Variants in BTBD10 observed in about 807,000 individuals in gnomAD.
The protein encoded by BTBD10 is BTB/POZ domain-containing protein 10.
In BTBD10, 21 loss-of-function variants were observed where a neutral mutation model predicts 53.2. The observed-to-expected ratio is 0.39, with a 90% CI of 0.28 to 0.57. The LOEUF (loss-of-function observed/expected upper bound fraction) is 0.57. BTBD10 is among the 20% of genes least tolerant of loss of function. The pLI is 0.53. For missense variants in BTBD10, 360 were observed against 594.7 expected, an observed-to-expected ratio of 0.61 and a Z score of 4.10; for synonymous variants, 149 against 192.7, an observed-to-expected ratio of 0.77 and a Z score of 1.88.
intron 8 of BTBD10, among the ~76,000 whole-genome samples, chr11:13,393,111 T>C (rs913940549): frequency 6.6e-6 from 1 of 152,178 alleles, no homozygotes. Flanking sequence ...AGGTAAGAAT[T>C]ATTTGTGCTT....
At chr11:13,389,942 A>G (rs750149273) in intron 8 of BTBD10, among the ~76,000 whole-genome samples, 1 of 152,094 alleles carries the variant, frequency 6.6e-6, no homozygotes, top group Admixed American at 6.6e-5. Context: ...TTAACCTCCC[A>G]TATCATTTTA....
chr11:13,435,757 C>A (rs1950534763), intron 2 of BTBD10, among the ~76,000 whole-genome samples: 1 of 152,208 alleles, frequency 6.6e-6, no homozygotes. Context: ...TCCCAAAGTG[C>A]TGGAATTACA....
chr11:13,458,627 T>A (rs1951023152), intron 1 of BTBD10, among the ~76,000 whole-genome samples: 1 of 152,346 alleles, frequency 6.6e-6, no homozygotes, highest in Non-Finnish European at 1.5e-5. Context: ...AATTGGAGTA[T>A]TAATGGTTTT....
intron 8 of BTBD10, among the ~76,000 whole-genome samples, chr11:13,398,736 T>C (rs1325456843): frequency 6.6e-6 from 1 of 152,222 alleles, no homozygotes; most frequent in East Asian, 1.9e-4. Context: ...AGGGCAGGCC[T>C]GGTGGTGACA....
intron 8 of BTBD10, among the ~76,000 whole-genome samples, chr11:13,398,842 C>G (rs1243979763): frequency 1.3e-5 from 2 of 152,040 alleles, no homozygotes; most frequent in Non-Finnish European, 2.9e-5. Flanking sequence ...GTTGAAAATT[C>G]TTTTCTTTAA....
intron 8 of BTBD10, among the ~76,000 whole-genome samples, chr11:13,401,724 A>G (rs1236125880): frequency 6.6e-6 from 1 of 152,164 alleles, no homozygotes; most frequent in South Asian, 2.1e-4. Flanking sequence ...AAGATAAAGG[A>G]AACTGATGCT....
intron 8 of BTBD10, among the ~76,000 whole-genome samples, chr11:13,398,857 G>A (rs915380913): frequency 6.6e-6 from 1 of 152,140 alleles, no homozygotes; most frequent in Non-Finnish European, 1.5e-5. Context: ...CTTTAAGAAT[G>A]TTGAATATTG....
intron 1 of BTBD10, among the ~76,000 whole-genome samples, chr11:13,456,280 T>C (rs1950966466): frequency 6.6e-6 from 1 of 152,194 alleles, no homozygotes; most frequent in East Asian, 1.9e-4. Context: ...AACAGAGCCC[T>C]AAAACATAAA....
At chr11:13,406,799 C>T (rs2135779698) in intron 6 of BTBD10, among the ~76,000 whole-genome samples, 1 of 151,704 alleles carries the variant, frequency 6.6e-6, no homozygotes, top group East Asian at 1.9e-4. Context: ...TAACATATTA[C>T]AATTAATATA....
intron 8 of BTBD10, among the ~76,000 whole-genome samples, chr11:13,401,550 G>T (rs1219333092): frequency 6.6e-6 from 1 of 152,136 alleles, no homozygotes; most frequent in East Asian, 1.9e-4. Context: ...ATGGATAATA[G>T]TCGCCATGTA....
At chr11:13,431,338 T>C (rs1363154074) in intron 2 of BTBD10, among the ~76,000 whole-genome samples, 4 of 152,102 alleles carry the variant, frequency 2.6e-5, no homozygotes, top group African/African-American at 9.7e-5. Flanking sequence ...AACCAACATA[T>C]ACTACCCAGT....
At chr11:13,454,138 C>A (rs1367563353) in intron 1 of BTBD10, among the ~76,000 whole-genome samples, 1 of 152,124 alleles carries the variant, frequency 6.6e-6, no homozygotes. Context: ...ATAAGAATTA[C>A]AAAGATTTAT....
At chr11:13,458,409 T>C (rs1230525010) in intron 1 of BTBD10, among the ~76,000 whole-genome samples, 1 of 152,186 alleles carries the variant, frequency 6.6e-6, no homozygotes, top group African/African-American at 2.4e-5. Context: ...AGAAGTTCTA[T>C]TGTTTTCTTC....
At chr11:13,460,651 AGT>A (rs1951075577) in intron 1 of BTBD10, among the ~76,000 whole-genome samples, 1 of 152,200 alleles carries the variant, frequency 6.6e-6, no homozygotes, top group Admixed American at 6.5e-5. Flanking sequence ...GGGGCACAAG[AGT>A]GTTTGCTTCA....
At position 13,405,670 on chromosome 11, in the gene BTBD10, T is replaced by C; in HGVS notation, c.995A>G (p.Glu332Gly). 6.2e-7 allele frequency: 1 copy of C among 1,613,540 alleles called. No homozygotes were observed. The highest frequency in any genetic ancestry group is 2.2e-5 in the East Asian group (1 of 44,864). The change falls in exon 7 of 9, where the codon GAA becomes GGA. Residue 332 changes from glutamate to glycine, a missense_variant. By Grantham distance (98) the Glu-to-Gly change is moderately conservative. Coordinates refer to ENST00000278174, the MANE Select transcript of BTBD10 (RefSeq NM_032320.7). ...DEEYPPQMGE[E>G]YSQIIYSTKL... is the part of the protein sequence containing the mutation. ...GCCAGAGTACGTACTTTGTGAATAT[T>C]CTTCTCCCATCTGTGGTGGATATTC...
intron 1 of BTBD10, among the ~76,000 whole-genome samples, chr11:13,461,169 A>T (rs1345214607): frequency 6.6e-6 from 1 of 152,292 alleles, no homozygotes; most frequent in East Asian, 1.9e-4. Context: ...CATAAAATTT[A>T]TTAATTTTGA....
chr11:13,456,967 C>T (rs1050690029), intron 1 of BTBD10, among the ~76,000 whole-genome samples: 6 of 152,038 alleles, frequency 3.9e-5, no homozygotes, highest in African/African-American at 1.2e-4. Context: ...TTGAGACCAG[C>T]CTGGGCAACA....
intron 2 of BTBD10, among the ~76,000 whole-genome samples, chr11:13,426,577 G>A (rs1281745786): frequency 1.3e-5 from 2 of 152,060 alleles, no homozygotes; most frequent in African/African-American, 4.8e-5. Context: ...CAAAGTCTGG[G>A]AGAAAGAAAT....
chr11:13,447,172 TTCTC>T (rs1259076385), intron 1 of BTBD10, among the ~76,000 whole-genome samples: 3 of 152,268 alleles, frequency 2.0e-5, no homozygotes, highest in South Asian at 2.1e-4. Context: ...TTCTTTTTCT[TTCTC>T]TCTTTCTTTG....
Sources: allele counts gnomAD v4.1 joint callset (sites outside exome capture counted in the v4.1 genomes callset), GRCh38; gene constraint gnomAD v4.1.1; transcripts MANE v1.5; gene names NCBI Gene and HGNC (gene_info 2026-07-23, HGNC 2026-07-21).